Variants in ADGB observed in about 807,000 individuals in gnomAD.
The protein encoded by ADGB is androglobin.
ADGB carries 172 observed loss-of-function variants against 210.5 expected under a neutral mutation model. The ratio of observed to expected loss-of-function variants is 0.82; its 90% CI spans 0.72 to 0.93. ADGB has a LOEUF of 0.93. Ranked by LOEUF, ADGB falls within the 40% of genes least tolerant of loss-of-function variation. ADGB has a pLI of 0.00. For synonymous variants in ADGB, 658 were observed against 662.7 expected, an observed-to-expected ratio of 0.99 and a Z score of 0.11; for missense variants, 2,025 against 1,964.8, an observed-to-expected ratio of 1.03 and a Z score of -0.58.
At chr6:146,804,252 C>T (rs1291718263) in intron 35 of ADGB, among the ~76,000 whole-genome samples, 1 of 151,726 alleles carries the variant, frequency 6.6e-6, no homozygotes, top group East Asian at 1.9e-4. Context: ...CTTTTTTTCT[C>T]CCTGCAACAC....
At chr6:146,682,419 A>G (rs1249414489) in intron 9 of ADGB, among the ~76,000 whole-genome samples, 1 of 152,164 alleles carries the variant, frequency 6.6e-6, no homozygotes, top group Non-Finnish European at 1.5e-5. Context: ...TATAAGACTC[A>G]TAATTACTGT....
intron 5 of ADGB, among the ~76,000 whole-genome samples, chr6:146,663,128 T>A (rs1562268215): frequency 2.8e-5 from 4 of 140,422 alleles, no homozygotes; most frequent in African/African-American, 1.0e-4. Context: ...AATAAATATA[T>A]AATTATATAT....
At chr6:146,656,164 C>A (rs1775777973) in intron 4 of ADGB, among the ~76,000 whole-genome samples, 1 of 152,212 alleles carries the variant, frequency 6.6e-6, no homozygotes, top group African/African-American at 2.4e-5. Flanking sequence ...AAATCCTGAT[C>A]TCTGTTTCCA....
intron 33 of ADGB, among the ~76,000 whole-genome samples, chr6:146,800,078 G>T (rs1778104282): frequency 6.6e-6 from 1 of 152,094 alleles, no homozygotes; most frequent in East Asian, 1.9e-4. Context: ...AAAGTGTTGG[G>T]ATTACAGGCG....
chr6:146,672,181 AC>A, intron 7 of ADGB, 38 bp from the exon 8 acceptor site: 2 of 1,452,396 alleles, frequency 1.4e-6, no homozygotes, highest in Middle Eastern at 1.8e-4. Context: ...AAAAAAAAAA[AC>A]ATCGTTTGGA....
rs979632572 is a variant in ADGB at position 146,641,388 on chromosome 6, G to T, written c.238-3385G>T. On this transcript the variant is annotated intron_variant, in intron 2 of 35. Coordinates refer to ENST00000397944, the MANE Select transcript of ADGB (RefSeq NM_024694.4). ...ACCAATGACATTCTTCACAGAACTA[G>T]AAAAAACTATTTTAAACTTCATGTG... is the stretch of plus-strand genomic sequence containing the variant. 2.0e-5 allele frequency among the ~76,000 whole-genome samples: 3 copies of T among 150,320 alleles called. No homozygotes were observed. The East Asian group carries it at 5.8e-4, about 29-fold the overall frequency.
chr6:146,745,825 T>C, intron 25 of ADGB, 97 bp from the exon 26 acceptor site: 1 of 910,222 alleles, frequency 1.1e-6, no homozygotes, highest in Non-Finnish European at 1.6e-6. Context: ...CCTGTAGGTA[T>C]ATCATAATAA....
intron 35 of ADGB, among the ~76,000 whole-genome samples, chr6:146,811,108 C>T (rs1026734511): frequency 2.0e-5 from 3 of 152,062 alleles, no homozygotes; most frequent in African/African-American, 4.8e-5. Context: ...TTCACATTAT[C>T]CTTTGCCTAC....
chr6:146,633,291 A>G (rs1781091194), intron 1 of ADGB, among the ~76,000 whole-genome samples: 2 of 152,032 alleles, frequency 1.3e-5, no homozygotes, highest in Non-Finnish European at 2.9e-5. Flanking sequence ...TCTCCTCTTA[A>G]TTCAAAGCAT....
rs1583616591 is a variant in ADGB at position 146,740,561 on chromosome 6, A to C, written c.2991A>C (p.Glu997Asp). 2 of 1,550,908 alleles carry C rather than the reference A, an allele frequency of 1.3e-6. No individual in the cohort carries two copies. Among genetic ancestry groups the C allele is most frequent in the Non-Finnish European group, 1.7e-6 (2 of 1,146,584 alleles). ...AFADYTVTYQEQPPNSWFIVF... is the reference protein window; with the variant it reads ...AFADYTVTYQDQPPNSWFIVF... ...CAGATTATACTGTGACTTATCAAGA[A>C]CAGCCACCAAATTCTTGGTTTATAG... Residue 997 changes from glutamate (E) to aspartate (D), a missense_variant, in exon 24 of 36, where the codon GAA becomes GAC. Glu to Asp is a conservative substitution (Grantham distance 45). Transcript: ENST00000397944.
chr6:146,717,107 G>A, intron 15 of ADGB, 38 bp downstream of exon 15: 1 of 1,497,150 alleles, frequency 6.7e-7, no homozygotes, highest in Non-Finnish European at 9.1e-7. Flanking sequence ...CTATGTCGTA[G>A]TGGTTAAACC....
intron 13 of ADGB, among the ~76,000 whole-genome samples, chr6:146,708,784 C>G (rs1332491082): frequency 6.6e-6 from 1 of 152,102 alleles, no homozygotes; most frequent in East Asian, 1.9e-4. Flanking sequence ...GCTATTATTT[C>G]TTTAAGTAAG....
rs529488384 is a variant in ADGB at position 146,803,345 on chromosome 6, A to G, written c.4818+1334A>G. The G allele has an allele frequency of 4.4e-5, 70 of 1,607,278 alleles. 1 individual carries two copies. In the East Asian group the frequency reaches 8.9e-4, roughly 20 times the overall value. On this transcript the variant is annotated intron_variant, in intron 35 of 35. Coordinates refer to ENST00000397944, the MANE Select transcript of ADGB (RefSeq NM_024694.4). ...AACCAGAATCACTGGAGTTAACCAAATATGTTCGACTGTCATGGTGTAATT... is the reference window on the plus strand; with the variant it reads ...AACCAGAATCACTGGAGTTAACCAAGTATGTTCGACTGTCATGGTGTAATT...
chr6:146,653,307 GC>G (rs1363657078), intron 3 of ADGB, among the ~76,000 whole-genome samples: 2 of 152,028 alleles, frequency 1.3e-5, no homozygotes, highest in Non-Finnish European at 2.9e-5. Flanking sequence ...GAAATAAAGT[GC>G]ACAATAAATG....
At position 146,788,565 on chromosome 6, in the gene ADGB, C is replaced by T. The variant is rs1337198161; in HGVS notation, c.4492C>T (p.Pro1498Ser). 1 of 1,551,416 alleles carries T rather than the reference C, an allele frequency of 6.4e-7. No homozygotes were observed. Among genetic ancestry groups the T allele is most frequent in the African/African-American group, 1.4e-5 (1 of 72,940 alleles). Residue 1498 changes from proline (P) to serine (S), a missense_variant, in exon 33 of 36, where the codon CCA becomes TCA. Physicochemically the swap from Pro to Ser is moderately conservative, Grantham distance 74. Coordinates refer to ENST00000397944, the MANE Select transcript of ADGB (RefSeq NM_024694.4). ...TSSESGGVSSPGKEEREQSTR... is the reference protein window; with the variant it reads ...TSSESGGVSSSGKEEREQSTR... ...TAGCGAAAGTGGAGGAGTGTCTTCA[C>T]CAGGGAAAGAAGAGCGCGAGCAGAG...
At chr6:146,664,993 T>C (rs987971686) in intron 6 of ADGB, among the ~76,000 whole-genome samples, 8 of 152,026 alleles carry the variant, frequency 5.3e-5, no homozygotes, top group African/African-American at 7.2e-5. Flanking sequence ...GCCCTAACAA[T>C]GCAAAAAATC....
rs571690331 is a variant in ADGB, at chr6:146,725,940, T to C, written c.2238-143T>C. ...TTCTTATAGAGTGCAAATTCAAAGA[T>C]CCTTATCTCATCTGTGTTAAAAATT... On this transcript the variant is annotated intron_variant, in intron 18 of 35. Transcript: ENST00000397944. 8.2e-5 allele frequency: 45 copies of C among 546,660 alleles called. 2 individuals carry two copies. The South Asian group carries it at 1.1e-3, about 14-fold the overall frequency. 33.9% of individuals were successfully genotyped at this position (546,660 alleles called of 1,614,324 possible).
chr6:146,750,838 T>C (rs550288506), intron 26 of ADGB, among the ~76,000 whole-genome samples: 23 of 152,214 alleles, frequency 1.5e-4, no homozygotes, highest in African/African-American at 5.5e-4. Context: ...TCACAGAAAA[T>C]GCTATTATCA....
At chr6:146,640,405 A>G (rs1775489754) in intron 2 of ADGB, among the ~76,000 whole-genome samples, 1 of 152,034 alleles carries the variant, frequency 6.6e-6, no homozygotes, top group African/African-American at 2.4e-5. Flanking sequence ...TCCCCAAGTG[A>G]TTCTATGAAG....
Sources: allele counts gnomAD v4.1 joint callset (sites outside exome capture counted in the v4.1 genomes callset), GRCh38; gene constraint gnomAD v4.1.1; transcripts MANE v1.5; gene names NCBI Gene and HGNC (gene_info 2026-07-23, HGNC 2026-07-21).